RBFOX1: variants seen among roughly 807,000 people sequenced by gnomAD.
RBFOX1 encodes the protein RNA binding protein fox-1 homolog 1.
RBFOX1 carries 8 observed loss-of-function variants against 57.7 expected under a neutral mutation model. The ratio of observed to expected loss-of-function variants is 0.14; its 90% confidence interval spans 0.08 to 0.25. The LOEUF is 0.25. RBFOX1 is among the 10% of genes least tolerant of loss of function. The pLI, the probability that RBFOX1 is intolerant of heterozygous loss-of-function variation, is 1.00. For synonymous variants in RBFOX1, 326 were observed against 222.4 expected, an observed-to-expected ratio of 1.47 and a Z score of -4.15; for missense variants, 611 against 548.5, an observed-to-expected ratio of 1.11 and a Z score of -1.14.
chr16:5,263,180 C>A (rs2062777579), intron 1 of RBFOX1, among the ~76,000 whole-genome samples: 1 of 152,008 alleles, frequency 6.6e-6, no homozygotes, highest in East Asian at 1.9e-4. Context: ...TAGAATAATA[C>A]AGATATGGGA....
chr16:6,821,864 T>C (rs2091364190), intron 3 of RBFOX1, among the ~76,000 whole-genome samples: 1 of 152,192 alleles, frequency 6.6e-6, no homozygotes. Flanking sequence ...TTTTCAATTT[T>C]TGTGGGTATA....
At chr16:7,133,111 T>G (rs1247154937) in intron 4 of RBFOX1, among the ~76,000 whole-genome samples, 1 of 152,220 alleles carries the variant, frequency 6.6e-6, no homozygotes, top group African/African-American at 2.4e-5. Flanking sequence ...ATGGTTTGTA[T>G]GCATCAAAAA....
chr16:7,218,315 C>T (rs892175006), intron 4 of RBFOX1, among the ~76,000 whole-genome samples: 1 of 152,210 alleles, frequency 6.6e-6, no homozygotes, highest in East Asian at 1.9e-4. Context: ...CTATAATACT[C>T]TAAGCCATCA....
chr16:5,607,363 G>C (rs1034760582), intron 3 of RBFOX1, among the ~76,000 whole-genome samples: 1 of 152,188 alleles, frequency 6.6e-6, no homozygotes, highest in Admixed American at 6.5e-5. Flanking sequence ...TTGCTGGGAC[G>C]AAATGCTAAG....
At chr16:5,250,131 C>CAA (rs57722756) in intron 1 of RBFOX1, among the ~76,000 whole-genome samples, 43 of 141,752 alleles carry the variant, frequency 3.0e-4, no homozygotes, top group Middle Eastern at 3.6e-3. Context: ...TGTGTCTCAA[C>CAA]AAAAAAAAAA....
At chr16:7,579,137 A>T (rs1416069297) in intron 5 of RBFOX1, among the ~76,000 whole-genome samples, 1 of 152,222 alleles carries the variant, frequency 6.6e-6, no homozygotes, top group Admixed American at 6.5e-5. Flanking sequence ...AATTCAGTTA[A>T]ATGTAAATTG....
intron 4 of RBFOX1, among the ~76,000 whole-genome samples, chr16:7,265,092 C>A (rs1014303928): frequency 2.0e-5 from 3 of 152,248 alleles, no homozygotes; most frequent in Non-Finnish European, 4.4e-5. Context: ...TTTGTTCTAG[C>A]AATATTTATT....
intron 3 of RBFOX1, among the ~76,000 whole-genome samples, chr16:7,048,064 A>G (rs62016267): frequency 0.12 from 17,614 of 151,818 alleles, 1,094 homozygotes; most frequent in Middle Eastern, 0.17. Context: ...TTTTTAGTAG[A>G]GAAGGGGTTT....
At chr16:5,260,013 C>T (rs185365575) in intron 1 of RBFOX1, among the ~76,000 whole-genome samples, 154 of 152,198 alleles carry the variant, frequency 1.0e-3, no homozygotes, top group African/African-American at 3.5e-3. Flanking sequence ...CCAGCCTGGA[C>T]GACATGATGA....
At chr16:5,908,243 TAC>T (rs370251088) in intron 4 of RBFOX1, among the ~76,000 whole-genome samples, 9 of 110,688 alleles carry the variant, frequency 8.1e-5, no homozygotes, top group East Asian at 5.6e-4. Context: ...TATATACATA[TAC>T]ATACACACAC....
intron 4 of RBFOX1, among the ~76,000 whole-genome samples, chr16:7,276,235 C>CTGCAGACT (rs1406910554): frequency 6.6e-6 from 1 of 152,134 alleles, no homozygotes; most frequent in Non-Finnish European, 1.5e-5. Context: ...CTATTTCTGG[C>CTGCAGACT]TGCAGACTTT....
intron 3 of RBFOX1, among the ~76,000 whole-genome samples, chr16:6,866,268 T>G (rs1425916103): frequency 1.3e-5 from 2 of 152,112 alleles, no homozygotes; most frequent in African/African-American, 2.4e-5. Context: ...CCTACCACTT[T>G]TCATTTTTGT....
intron 4 of RBFOX1, among the ~76,000 whole-genome samples, chr16:7,225,798 A>G (rs988924122): frequency 1.8e-4 from 26 of 148,306 alleles, no homozygotes; most frequent in Middle Eastern, 3.4e-3. Context: ...AGATATACCT[A>G]ATGTAAATGA....
At chr16:6,720,471 T>C (rs1354217854) in intron 3 of RBFOX1, among the ~76,000 whole-genome samples, 1 of 152,158 alleles carries the variant, frequency 6.6e-6, no homozygotes, top group Non-Finnish European at 1.5e-5. Flanking sequence ...AATGGACTCA[T>C]ACACGACCTA....
chr16:6,327,480 A>G (rs1490848551), intron 2 of RBFOX1, among the ~76,000 whole-genome samples: 2 of 151,998 alleles, frequency 1.3e-5, no homozygotes, highest in African/African-American at 4.8e-5. Flanking sequence ...CCATTTTTTA[A>G]TGGATTTGCT....
At chr16:7,074,273 G>A (rs749547770) in intron 4 of RBFOX1, among the ~76,000 whole-genome samples, 2 of 152,166 alleles carry the variant, frequency 1.3e-5, no homozygotes, top group Non-Finnish European at 2.9e-5. Context: ...TGATGAGTTC[G>A]CAGATGGGAA....
intron 2 of RBFOX1, among the ~76,000 whole-genome samples, chr16:6,462,800 G>A (rs186459534): frequency 2.8e-3 from 410 of 146,304 alleles, no homozygotes; most frequent in Non-Finnish European, 4.8e-3. Context: ...AAAAAGTATT[G>A]AGTATACACA....
intron 3 of RBFOX1, among the ~76,000 whole-genome samples, chr16:6,771,348 C>T (rs193160333): frequency 6.6e-6 from 1 of 152,178 alleles, no homozygotes; most frequent in African/African-American, 2.4e-5. Context: ...ATGTTGGTAT[C>T]TTCTTAGATA....
At chr16:7,609,011 G>C (rs1047922893) in intron 10 of RBFOX1, among the ~76,000 whole-genome samples, 2 of 152,204 alleles carry the variant, frequency 1.3e-5, no homozygotes, top group East Asian at 3.9e-4. Flanking sequence ...GGGACACACA[G>C]AACATGGCAT....
Sources: allele counts gnomAD v4.1 joint callset (sites outside exome capture counted in the v4.1 genomes callset), GRCh38; gene constraint gnomAD v4.1.1; transcripts MANE v1.5; gene names NCBI Gene and HGNC (gene_info 2026-07-23, HGNC 2026-07-21).